ARFGEF3: variants seen among roughly 807,000 people sequenced by gnomAD.
The protein encoded by ARFGEF3 is ARFGEF family member 3.
Under a neutral mutation model 221.7 loss-of-function variants are expected in ARFGEF3, and 96 were observed. The observed-to-expected ratio is 0.43, with a 90% CI of 0.37 to 0.51. The LOEUF is 0.51. Ranked by LOEUF, ARFGEF3 falls within the 20% of genes least tolerant of loss-of-function variation. The pLI is 0.00. For missense variants in ARFGEF3, 2,410 were observed against 2,789.9 expected (o/e 0.86, Z 3.07); for synonymous variants, 1,145 against 1,126.8 (o/e 1.02, Z -0.32).
intron 7 of ARFGEF3, among the ~76,000 whole-genome samples, chr6:138,243,652 A>G (rs187198784): frequency 2.0e-5 from 3 of 152,348 alleles, no homozygotes; most frequent in East Asian, 3.9e-4. Context: ...AAATACTGCA[A>G]AAATCTGCTT....
chr6:138,315,980 G>A (rs1056986657), intron 26 of ARFGEF3, among the ~76,000 whole-genome samples: 2 of 152,154 alleles, frequency 1.3e-5, no homozygotes, highest in African/African-American at 4.8e-5. Context: ...TCAGTTTAAT[G>A]ATTAGATAAG....
At chr6:138,294,199 C>A in intron 20 of ARFGEF3, 73 bp downstream of exon 20, 3 of 1,490,224 alleles carry the variant, frequency 2.0e-6, no homozygotes, top group Non-Finnish European at 2.7e-6. Context: ...TCACCAGCAG[C>A]GTGCCTGAAG....
intron 26 of ARFGEF3, among the ~76,000 whole-genome samples, chr6:138,316,802 C>T (rs1222012824): frequency 2.0e-5 from 3 of 152,166 alleles, no homozygotes; most frequent in African/African-American, 7.2e-5. Context: ...TAGTGATAGT[C>T]GCACAACATT....
At chr6:138,298,144 C>G (rs1044335195) in intron 21 of ARFGEF3, among the ~76,000 whole-genome samples, 1 of 152,144 alleles carries the variant, frequency 6.6e-6, no homozygotes, top group Non-Finnish European at 1.5e-5. Context: ...AAGGATTACT[C>G]AAGAGCATGG....
chr6:138,286,306 C>T (rs1043722092), intron 15 of ARFGEF3, among the ~76,000 whole-genome samples: 2 of 151,908 alleles, frequency 1.3e-5, no homozygotes, highest in South Asian at 2.1e-4. Flanking sequence ...AAAAATTAGC[C>T]GGGTGTGGTG....
At chr6:138,320,807 G>T (rs1417233217) in intron 28 of ARFGEF3, among the ~76,000 whole-genome samples, 1 of 152,178 alleles carries the variant, frequency 6.6e-6, no homozygotes, top group Admixed American at 6.5e-5. Flanking sequence ...CTGGGTCATT[G>T]CTTTGCACAG....
chr6:138,200,435 C>T (rs1192406762), intron 2 of ARFGEF3, among the ~76,000 whole-genome samples: 2 of 152,144 alleles, frequency 1.3e-5, no homozygotes, highest in Non-Finnish European at 2.9e-5. Flanking sequence ...TACTATAAGG[C>T]CATAGTCACT....
intron 9 of ARFGEF3, among the ~76,000 whole-genome samples, chr6:138,254,956 A>T (rs755722835): frequency 6.6e-6 from 1 of 152,202 alleles, no homozygotes; most frequent in African/African-American, 2.4e-5. Context: ...CCCTAGCTCC[A>T]TCTCAACACG....
chr6:138,190,848 T>C (rs1448948150), intron 2 of ARFGEF3, among the ~76,000 whole-genome samples: 2 of 152,214 alleles, frequency 1.3e-5, no homozygotes, highest in Non-Finnish European at 2.9e-5. Flanking sequence ...CTTGTTTCCA[T>C]GTTGTGGGGT....
At chr6:138,327,941 C>T in intron 31 of ARFGEF3, 80 bp from the exon 32 acceptor site, 2 of 1,222,444 alleles carry the variant, frequency 1.6e-6, no homozygotes, top group Non-Finnish European at 1.1e-6. Flanking sequence ...CTCAACTTGC[C>T]CAGGGTCATC....
At chr6:138,211,173 G>A (rs1455578323) in intron 4 of ARFGEF3, among the ~76,000 whole-genome samples, 1 of 152,162 alleles carries the variant, frequency 6.6e-6, no homozygotes, top group African/African-American at 2.4e-5. Flanking sequence ...AAAGAACATA[G>A]CACAGTATCT....
chr6:138,223,410 C>T (rs1778017707), intron 4 of ARFGEF3, among the ~76,000 whole-genome samples: 1 of 152,156 alleles, frequency 6.6e-6, no homozygotes. Flanking sequence ...ATGCGCCTGG[C>T]ATTAAGGTTT....
At chr6:138,295,825 A>G (rs185264992) in intron 20 of ARFGEF3, among the ~76,000 whole-genome samples, 46 of 152,318 alleles carry the variant, frequency 3.0e-4, no homozygotes, top group African/African-American at 9.9e-4. Context: ...TCCACACCTG[A>G]CCTCATGTGA....
chr6:138,208,179 G>A (rs1349416571), intron 3 of ARFGEF3, among the ~76,000 whole-genome samples: 1 of 151,994 alleles, frequency 6.6e-6, no homozygotes, highest in African/African-American at 2.4e-5. Flanking sequence ...CTAAATTGCA[G>A]TGCCATATTT....
At position 138,342,757 on chromosome 6, in the gene ARFGEF3, A is replaced by G. The variant is rs1458987332; in HGVS notation, c.*6271A>G. 1 of 152,320 alleles carries G rather than the reference A, an allele frequency of 6.6e-6. No homozygotes were observed. The highest frequency in any genetic ancestry group is 1.5e-5 in the Non-Finnish European group (1 of 68,016). The allele number at this position is 152,320 out of a possible 1,614,324, so 9.4% of individuals were successfully genotyped here. ...GTTGTTTGCTTGCCAGTTGTTTTAC[A>G]TCTTTCATTGGCCACCAAAATATTA... On this transcript the variant is annotated 3_prime_UTR_variant, in exon 34 of 34. Coordinates refer to ENST00000251691, the MANE Select transcript of ARFGEF3 (RefSeq NM_020340.5).
At chr6:138,327,629 C>T (rs1482433715) in intron 31 of ARFGEF3, among the ~76,000 whole-genome samples, 5 of 152,086 alleles carry the variant, frequency 3.3e-5, no homozygotes, top group African/African-American at 1.2e-4. Flanking sequence ...GACAGAAGTC[C>T]CAACTCCTTT....
chr6:138,209,879 T>C (rs767714804), intron 3 of ARFGEF3, 31 bp from the exon 4 acceptor site: 4 of 1,611,394 alleles, frequency 2.5e-6, no homozygotes, highest in Non-Finnish European at 3.4e-6. Flanking sequence ...GGAGAGCCTA[T>C]CTGTGATCAC....
At chr6:138,272,061 C>T (rs2114606598) in intron 12 of ARFGEF3, among the ~76,000 whole-genome samples, 1 of 152,246 alleles carries the variant, frequency 6.6e-6, no homozygotes, top group Non-Finnish European at 1.5e-5. Flanking sequence ...CCAGTGGATA[C>T]CTGGCATCTC....
At chr6:138,188,000 A>T (rs1256326560) in intron 2 of ARFGEF3, among the ~76,000 whole-genome samples, 1 of 152,218 alleles carries the variant, frequency 6.6e-6, no homozygotes, top group Non-Finnish European at 1.5e-5. Context: ...GCTAAAGGCG[A>T]CTACATGATA....
Sources: allele counts gnomAD v4.1 joint callset (sites outside exome capture counted in the v4.1 genomes callset), GRCh38; gene constraint gnomAD v4.1.1; transcripts MANE v1.5; gene names NCBI Gene and HGNC (gene_info 2026-07-23, HGNC 2026-07-21).